The following KDM5B variants were observed in gnomAD, a reference collection of about 807,000 sequenced individuals.
KDM5B encodes the protein lysine-specific demethylase 5B.
KDM5B carries 144 observed loss-of-function variants against 193.4 expected under a neutral mutation model. That is an observed-to-expected ratio of 0.74 (90% CI 0.65 to 0.86). KDM5B has a LOEUF of 0.86. Ranked by LOEUF, KDM5B falls within the 40% of genes least tolerant of loss-of-function variation. KDM5B has a pLI of 0.00. For synonymous variants in KDM5B, 668 were observed against 682.6 expected, an observed-to-expected ratio of 0.98 and a Z score of 0.33; for missense variants, 1,833 against 1,886.9, an observed-to-expected ratio of 0.97 and a Z score of 0.53.
chr1:202,771,212 T>G (rs1404706861), intron 4 of KDM5B, among the ~76,000 whole-genome samples: 6 of 152,164 alleles, frequency 3.9e-5, no homozygotes, highest in African/African-American at 1.4e-4. Flanking sequence ...TTTTTTATTT[T>G]TTATGTTTGT....
chr1:202,740,086 G>T (rs1238376485), intron 20 of KDM5B, among the ~76,000 whole-genome samples: 1 of 150,838 alleles, frequency 6.6e-6, no homozygotes, highest in Admixed American at 6.6e-5. Context: ...CGGACGGGGC[G>T]GCTGGCCGGG....
Position 202,729,860 on chromosome 1 carries a change from AT to A in KDM5B, c.4343del (p.Asn1448IlefsTer4). On this transcript the variant is annotated frameshift_variant, in exon 26 of 27. Transcript: ENST00000367265. LOFTEE classifies it high-confidence loss of function. ...AGCTACGCTCTCTCTCTAACTTGAAATTGTTCATGTCCTTGGGGTGGCTCAG... is the reference window on the plus strand; with the variant it reads ...AGCTACGCTCTCTCTCTAACTTGAAATGTTCATGTCCTTGGGGTGGCTCAG... ...IKLSHPKDMN[N>X]FKLERERSYE... 6.2e-7 allele frequency: 1 copy of A among 1,614,138 alleles called. No individual in the cohort carries two copies. The highest frequency in any genetic ancestry group is 8.5e-7 in the Non-Finnish European group (1 of 1,180,014).
chr1:202,772,929 T>G (rs1656780644), intron 4 of KDM5B, among the ~76,000 whole-genome samples, 189 bp downstream of exon 4: 1 of 152,158 alleles, frequency 6.6e-6, no homozygotes, highest in South Asian at 2.1e-4. Flanking sequence ...ACTCCTGTCC[T>G]CAGGTGATTC....
intron 3 of KDM5B, 40 bp downstream of exon 3, chr1:202,774,573 T>C: frequency 6.4e-7 from 1 of 1,568,896 alleles, no homozygotes; most frequent in Non-Finnish European, 8.7e-7. Context: ...ATTCTGTCAG[T>C]AAGATTATAA....
chr1:202,734,144 T>TCTTTGCCTG (rs1271556136), intron 22 of KDM5B, among the ~76,000 whole-genome samples: 1 of 152,112 alleles, frequency 6.6e-6, no homozygotes, highest in Non-Finnish European at 1.5e-5. Flanking sequence ...GATAGGACAC[T>TCTTTGCCTG]CTTTGCCTGG....
chr1:202,773,061 G>A (rs1032672122), intron 4 of KDM5B, 57 bp downstream of exon 4: 1 of 1,213,226 alleles, frequency 8.2e-7, no homozygotes, highest in African/African-American at 1.5e-5. Context: ...TCCCTGAAAA[G>A]ACAATGTACC....
chr1:202,762,859 C>CTCAAG, intron 6 of KDM5B, 51 bp from the exon 7 acceptor site: 1 of 801,712 alleles, frequency 1.2e-6, no homozygotes, highest in Non-Finnish European at 2.0e-6. Flanking sequence ...TCTCCACTTC[C>CTCAAG]TCATCATCTC....
Position 202,736,260 on chromosome 1 carries a change from C to T in KDM5B, c.3217G>A (p.Ala1073Thr). ...VAEVQAWKECAVNTFLTENSP... is the reference protein window; with the variant it reads ...VAEVQAWKECTVNTFLTENSP... ...TTCTCAGTCAAGAATGTATTAACAG[C>T]ACATTCTTTCCAAGCCTGAACCTCA... The change falls in exon 21 of 27, where the codon GCT becomes ACT. Residue 1073 changes from alanine to threonine, a missense_variant. Transcript: ENST00000367265. The T allele has an allele frequency of 6.2e-7, 1 of 1,607,992 alleles. No homozygotes were observed. The highest frequency in any genetic ancestry group is 8.5e-7 in the Non-Finnish European group (1 of 1,176,994).
intron 20 of KDM5B, 82 bp from the exon 21 acceptor site, chr1:202,736,474 C>T: frequency 9.2e-7 from 1 of 1,082,810 alleles, no homozygotes; most frequent in Admixed American, 2.7e-5. Context: ...TCAGATTGGT[C>T]CATTGAGTAC....
intron 11 of KDM5B, among the ~76,000 whole-genome samples, chr1:202,754,049 G>A (rs1240918350): frequency 6.6e-6 from 1 of 152,182 alleles, no homozygotes; most frequent in Non-Finnish European, 1.5e-5. Context: ...ACCCACAAGG[G>A]TAAGGCAACT....
chr1:202,774,861 A>C, intron 2 of KDM5B, 126 bp from the exon 3 acceptor site: 1 of 797,558 alleles, frequency 1.3e-6, no homozygotes, highest in Non-Finnish European at 2.0e-6. Context: ...TTTTAATTTA[A>C]TGCTCTTTCA....
At position 202,756,700 on chromosome 1, in the gene KDM5B, C is replaced by T. The variant is rs184292411; in HGVS notation, c.1198-184G>A. 1.8e-4 allele frequency among the ~76,000 whole-genome samples: 28 copies of T among 152,268 alleles called. No homozygotes were observed. In the East Asian group the frequency reaches 5.0e-3, roughly 27 times the overall value. On this transcript the variant is annotated intron_variant, in intron 9 of 26. Transcript: ENST00000367265. The stretch of plus-strand genomic sequence containing the variant: ...AAAGGAATTTATGTTCCTCTATCAC[C>T]AGCCAGGCCACAACTGTAAAAGGGA...
intron 20 of KDM5B, among the ~76,000 whole-genome samples, chr1:202,738,703 T>C (rs959749623): frequency 1.3e-5 from 2 of 152,142 alleles, no homozygotes; most frequent in Non-Finnish European, 2.9e-5. Flanking sequence ...TTTTTTTTTC[T>C]CAATAGGTCA....
chr1:202,794,415 CCAAT>C (rs1343552313), intron 1 of KDM5B, among the ~76,000 whole-genome samples: 1 of 152,282 alleles, frequency 6.6e-6, no homozygotes, highest in African/African-American at 2.4e-5. Context: ...ATGAAAAGTT[CCAAT>C]CAAGTGCTTG....
chr1:202,806,103 G>C (rs914164864), intron 1 of KDM5B, among the ~76,000 whole-genome samples: 1 of 152,158 alleles, frequency 6.6e-6, no homozygotes, highest in African/African-American at 2.4e-5. Flanking sequence ...TAATATTCTA[G>C]CCAAGATGAG....
intron 1 of KDM5B, among the ~76,000 whole-genome samples, chr1:202,785,941 C>G (rs1392767554): frequency 6.6e-6 from 1 of 150,468 alleles, no homozygotes; most frequent in African/African-American, 2.4e-5. Context: ...CGGTTTTTCT[C>G]AGGAAAATAT....
intron 13 of KDM5B, 149 bp downstream of exon 13, chr1:202,750,510 G>C: frequency 1.6e-6 from 1 of 627,274 alleles, no homozygotes; most frequent in East Asian, 3.1e-5. Flanking sequence ...CCTGACCTCA[G>C]GTGATCTGCC....
At chr1:202,797,532 A>G (rs1412019995) in intron 1 of KDM5B, among the ~76,000 whole-genome samples, 2 of 152,122 alleles carry the variant, frequency 1.3e-5, no homozygotes, top group Non-Finnish European at 2.9e-5. Context: ...GTCCTAAAAT[A>G]TTTTCTTAAA....
In KDM5B at chr1:202,729,032, GT is replaced by G. The variant is rs1376433464; in HGVS notation, c.*3del. ...TAAGTAGGGGGGTATCTGTTTTTGT[GT>G]TTTTACTTTCGGCTTGGTGCGTCCT... On this transcript the variant is annotated 3_prime_UTR_variant, in exon 27 of 27. Transcript: ENST00000367265. 1 of 1,613,858 alleles carries G rather than the reference GT, an allele frequency of 6.2e-7. No homozygotes were observed. Among genetic ancestry groups the G allele is most frequent in the Non-Finnish European group, 8.5e-7 (1 of 1,179,928 alleles).
Sources: gnomAD v4.1 joint callset for allele counts (sites outside exome capture counted in the v4.1 genomes callset) on GRCh38, gnomAD v4.1.1 for gene constraint, MANE v1.5 for transcripts, NCBI Gene and HGNC (gene_info 2026-07-23, HGNC 2026-07-21) for gene names.